PARPBP: variants seen among roughly 807,000 people sequenced by gnomAD.
PARPBP encodes the protein PARP1 binding protein, also known as PCNA-interacting partner.
Under a neutral mutation model 50.0 loss-of-function variants are expected in PARPBP, and 52 were observed. That is an observed-to-expected ratio of 1.04 (90% CI 0.83 to 1.31). The LOEUF is 1.31. PARPBP is among the 50% of genes most tolerant of loss of function. The pLI is 0.00. For missense variants in PARPBP, 697 were observed against 672.0 expected, an observed-to-expected ratio of 1.04 and a Z score of -0.41; for synonymous variants, 244 against 232.1, an observed-to-expected ratio of 1.05 and a Z score of -0.47.
intron 6 of PARPBP, among the ~76,000 whole-genome samples, chr12:102,175,129 A>G (rs1348101683): frequency 6.6e-6 from 1 of 152,228 alleles, no homozygotes; most frequent in African/African-American, 2.4e-5. Flanking sequence ...TAGATATTCA[A>G]TGAGAGATAA....
intron 2 of PARPBP, 34 bp from the exon 3 acceptor site, chr12:102,148,196 T>G (rs1375628910): frequency 1.0e-6 from 1 of 953,536 alleles, no homozygotes; most frequent in Non-Finnish European, 1.6e-6. Context: ...GTACCCAACT[T>G]TATTTTTTTT....
chr12:102,179,112 A>G (rs960126434), intron 8 of PARPBP, among the ~76,000 whole-genome samples: 1 of 152,170 alleles, frequency 6.6e-6, no homozygotes, highest in African/African-American at 2.4e-5. Context: ...TTCTTAAGTG[A>G]AGAATTAGAG....
rs1491476417 is a variant in PARPBP, at chr12:102,155,597, G to GT, written c.495+1621_495+1622insT. 3.7e-4 allele frequency among the ~76,000 whole-genome samples: 42 copies of GT among 112,430 alleles called. 1 individual carries two copies. The highest frequency in any genetic ancestry group is 1.4e-3 in the African/African-American group (39 of 28,288). The allele number at this position is 112,430 out of a possible 152,430, so 73.8% of individuals were successfully genotyped here. On this transcript the variant is annotated intron_variant, in intron 4 of 10. Transcript: ENST00000327680. ...CATCTATCGCCTGAGAGCATGGTGG[G>GT]GGGGGGGGGCGGGGACAATGATTGG...
chr12:102,194,412 C>T (rs999286585), intron 9 of PARPBP, among the ~76,000 whole-genome samples: 2 of 151,898 alleles, frequency 1.3e-5, no homozygotes, highest in Non-Finnish European at 2.9e-5. Context: ...AGACATCTCT[C>T]CATTAAACCT....
intron 4 of PARPBP, among the ~76,000 whole-genome samples, chr12:102,161,801 G>T (rs183720160): frequency 6.6e-6 from 1 of 152,252 alleles, no homozygotes; most frequent in Non-Finnish European, 1.5e-5. Context: ...TTATAATAGG[G>T]TGATATGCAG....
intron 9 of PARPBP, 60 bp downstream of exon 9, chr12:102,182,687 AT>A: frequency 1.8e-6 from 2 of 1,119,356 alleles, no homozygotes; most frequent in Non-Finnish European, 2.7e-6. Context: ...GAAGAAATAA[AT>A]ACATGAAGCT....
chr12:102,126,449 A>G (rs1882011246), intron 2 of PARPBP, among the ~76,000 whole-genome samples: 1 of 152,184 alleles, frequency 6.6e-6, no homozygotes, highest in South Asian at 2.1e-4. Flanking sequence ...TTTTCTGCAA[A>G]TCAAGTTAGC....
At chr12:102,150,784 G>A (rs979003519) in intron 3 of PARPBP, among the ~76,000 whole-genome samples, 4 of 152,192 alleles carry the variant, frequency 2.6e-5, no homozygotes, top group South Asian at 2.1e-4. Context: ...ATCTGTGGAC[G>A]TCTTTGGGGG....
chr12:102,190,057 T>C (rs1356892081), intron 9 of PARPBP, among the ~76,000 whole-genome samples: 2 of 152,152 alleles, frequency 1.3e-5, no homozygotes, highest in Non-Finnish European at 2.9e-5. Context: ...GTGATGTAGT[T>C]GTTCTTTTCA....
intron 9 of PARPBP, among the ~76,000 whole-genome samples, chr12:102,191,078 G>A (rs116281950): frequency 0.01 from 1,562 of 152,246 alleles, 18 homozygotes; most frequent in African/African-American, 0.036. Flanking sequence ...CCTACTAAGT[G>A]TTCAGTGTTT....
Position 102,124,045 on chromosome 12 carries a change from G to A in PARPBP, c.153+4G>A. 1 of 1,530,846 alleles carries A rather than the reference G, an allele frequency of 6.5e-7. No homozygotes were observed. Among genetic ancestry groups the A allele is most frequent in the Non-Finnish European group, 8.7e-7 (1 of 1,143,358 alleles). 94.8% of individuals were successfully genotyped at this position (1,530,846 alleles called of 1,614,324 possible). On this transcript the variant is annotated splice_donor_region_variant and intron_variant, in intron 2 of 10. Transcript: ENST00000327680. ...TATGGCGGAGAACAACAAACAGGTT[G>A]GTAAACTATATTTGGGTTAACTTGT...
chr12:102,154,046 T>C, intron 4 of PARPBP, 70 bp downstream of exon 4: 1 of 918,904 alleles, frequency 1.1e-6, no homozygotes, highest in Non-Finnish European at 1.7e-6. Context: ...TGGTGGTACC[T>C]TAAAGTTACT....
chr12:102,171,960 A>G (rs930404416), intron 6 of PARPBP, among the ~76,000 whole-genome samples: 2 of 152,210 alleles, frequency 1.3e-5, no homozygotes, highest in Admixed American at 6.5e-5. Flanking sequence ...TTACTTCAAC[A>G]AATAGTTATC....
intron 4 of PARPBP, among the ~76,000 whole-genome samples, chr12:102,161,111 GT>G (rs77372368): frequency 0.29 from 43,367 of 151,078 alleles, 6,640 homozygotes; most frequent in East Asian, 0.42. Flanking sequence ...TCCCAGGTAA[GT>G]TTTTTTTTCT....
chr12:102,153,619 T>C (rs1886506119), intron 3 of PARPBP, among the ~76,000 whole-genome samples: 1 of 152,222 alleles, frequency 6.6e-6, no homozygotes, highest in Non-Finnish European at 1.5e-5. Flanking sequence ...GGATTACAGG[T>C]GTGAGCCACG....
intron 9 of PARPBP, among the ~76,000 whole-genome samples, chr12:102,183,341 A>G (rs1489711926): frequency 1.3e-5 from 2 of 152,172 alleles, no homozygotes; most frequent in African/African-American, 4.8e-5. Context: ...TCAAATATTC[A>G]TCTTGATACA....
Position 102,124,042 on chromosome 12 carries a change from G to T in PARPBP, c.153+1G>T. 1 of 1,532,280 alleles carries T rather than the reference G, an allele frequency of 6.5e-7. No homozygotes were observed. Among genetic ancestry groups the T allele is most frequent in the Admixed American group, 2.0e-5 (1 of 50,794 alleles). The allele number at this position is 1,532,280 out of a possible 1,614,324, so 94.9% of individuals were successfully genotyped here. Reference sequence around the variant, plus strand: ...TTCTATGGCGGAGAACAACAAACAGGTTGGTAAACTATATTTGGGTTAACT... The same window carrying T: ...TTCTATGGCGGAGAACAACAAACAGTTTGGTAAACTATATTTGGGTTAACT... On this transcript the variant is annotated splice_donor_variant, in intron 2 of 10. Transcript: ENST00000327680. LOFTEE classifies it high-confidence loss of function.
intron 9 of PARPBP, among the ~76,000 whole-genome samples, chr12:102,191,540 T>A (rs1890794817): frequency 6.6e-6 from 1 of 152,182 alleles, no homozygotes; most frequent in African/African-American, 2.4e-5. Flanking sequence ...TTTAGAACTT[T>A]CATTTTCGTG....
intron 2 of PARPBP, among the ~76,000 whole-genome samples, chr12:102,145,298 C>A (rs949172479): frequency 6.6e-6 from 1 of 152,050 alleles, no homozygotes; most frequent in East Asian, 1.9e-4. Context: ...GTTGACAGAT[C>A]TTGGTGTTAG....
Sources: gnomAD v4.1 joint callset for allele counts (sites outside exome capture counted in the v4.1 genomes callset) on GRCh38, gnomAD v4.1.1 for gene constraint, MANE v1.5 for transcripts, NCBI Gene and HGNC (gene_info 2026-07-23, HGNC 2026-07-21) for gene names.